The following PCDHGA5 variants were observed in gnomAD, a reference collection of about 807,000 sequenced individuals.
The protein encoded by PCDHGA5 is protocadherin gamma-A5.
Under a neutral mutation model 56.7 loss-of-function variants are expected in PCDHGA5, and 36 were observed. The ratio of observed to expected loss-of-function variants is 0.64; its 90% CI spans 0.49 to 0.84. The LOEUF (loss-of-function observed/expected upper bound fraction) is 0.84. Ranked by LOEUF, PCDHGA5 falls within the 40% of genes least tolerant of loss-of-function variation. PCDHGA5 has a pLI of 0.00. For missense variants in PCDHGA5, 1,305 were observed against 1,201.5 expected, an observed-to-expected ratio of 1.09 and a Z score of -1.27; for synonymous variants, 563 against 520.2, an observed-to-expected ratio of 1.08 and a Z score of -1.12.
At chr5:141,395,901 C>G (rs1019647060) in intron 1 of PCDHGA5, 6 of 152,046 alleles carry the variant, frequency 3.9e-5, no homozygotes, top group African/African-American at 1.4e-4. Flanking sequence ...GCTCCATGCC[C>G]ATGGAGACAT....
rs1224625072 is a variant in PCDHGA5, at chr5:141,490,972, C to T, written c.2422-3835C>T. ...AGACTGGGAACACTCAGCCCCCCAG[C>T]GTCTCCCTCGCTCTGCTCCTCCTGG... On this transcript the variant is annotated intron_variant, in intron 1 of 3. Transcript: ENST00000518069. This position sits in a 1 kb window ranked among gnomAD's most constrained non-coding sequence, Gnocchi z 5.4. The T allele has an allele frequency of 1.2e-5, 20 of 1,613,912 alleles. No individual in the cohort carries two copies. Among genetic ancestry groups the T allele is most frequent in the East Asian group, 4.5e-5 (2 of 44,882 alleles).
chr5:141,460,961 ATG>A (rs35821115), intron 1 of PCDHGA5, among the ~76,000 whole-genome samples: 22,194 of 144,260 alleles, frequency 0.15, 1,877 homozygotes, highest in South Asian at 0.27. Context: ...GTATATATAT[ATG>A]TGTGTGTGTG....
chr5:141,449,066 A>G (rs1234801725), intron 1 of PCDHGA5, among the ~76,000 whole-genome samples: 3 of 152,188 alleles, frequency 2.0e-5, no homozygotes, highest in African/African-American at 4.8e-5. Context: ...GCGCTATTGA[A>G]TAGCCCTGTA....
At chr5:141,372,344 A>G in intron 1 of PCDHGA5, 1 of 1,613,770 alleles carries the variant, frequency 6.2e-7, no homozygotes, top group Non-Finnish European at 8.5e-7. Flanking sequence ...GTGATGGAGG[A>G]CAGCAGCCTC....
chr5:141,497,240 GA>G (rs1221446648), intron 2 of PCDHGA5, among the ~76,000 whole-genome samples: 125 of 152,188 alleles, frequency 8.2e-4, no homozygotes, highest in African/African-American at 3.0e-3. Flanking sequence ...AGGCTTCTAG[GA>G]GGAGGTGACA....
intron 1 of PCDHGA5, among the ~76,000 whole-genome samples, chr5:141,458,513 G>T (rs968604511): frequency 6.8e-6 from 1 of 146,128 alleles, no homozygotes; most frequent in Non-Finnish European, 1.5e-5. Flanking sequence ...TTGACACTTT[G>T]TTTTTTTTTT....
At chr5:141,421,578 T>C in intron 1 of PCDHGA5, 4 of 1,613,886 alleles carry the variant, frequency 2.5e-6, no homozygotes, top group Non-Finnish European at 3.4e-6. Flanking sequence ...CCTTGAAGAT[T>C]TACGGAGTGG....
chr5:141,390,429 T>C lies in PCDHGA5; in HGVS notation c.2421+23678T>C, dbSNP rs2092145009. On this transcript the variant is annotated intron_variant, in intron 1 of 3. Transcript: ENST00000518069. ...GTTGTAGTCAGTTAAAAAGCTGTCA[T>C]ATCATTCTACAAAGGAGGAGTAAAG... The C allele has an allele frequency of 6.0e-6, 6 of 1,008,304 alleles. No homozygotes were observed. The South Asian group carries it at 6.8e-5, about 11-fold the overall frequency. The allele number at this position is 1,008,304 out of a possible 1,614,324, so 62.5% of individuals were successfully genotyped here. A position where few individuals can be genotyped will look rare whatever the true frequency, so the allele number is the denominator to read the frequency against.
chr5:141,390,183 T>G, intron 1 of PCDHGA5: 2 of 1,614,036 alleles, frequency 1.2e-6, no homozygotes, highest in Non-Finnish European at 1.7e-6. Context: ...TTTCCTAAAA[T>G]GTAGTGAGCA....
chr5:141,467,287 A>C (rs2099140956), intron 1 of PCDHGA5, among the ~76,000 whole-genome samples: 1 of 152,082 alleles, frequency 6.6e-6, no homozygotes, highest in Admixed American at 6.6e-5. Flanking sequence ...TCTTGACCTC[A>C]AGTGATCCAC....
In PCDHGA5 at chr5:141,393,378, G is replaced by A. The variant is rs1207426335; in HGVS notation, c.2421+26627G>A. On this transcript the variant is annotated intron_variant, in intron 1 of 3. Coordinates refer to ENST00000518069, the MANE Select transcript of PCDHGA5 (RefSeq NM_018918.3). ...GGACGTGCAGACTGGAGACAATGGA[G>A]CCATAAACCCAGAGCTGGTGCTGGA... The A allele has an allele frequency of 1.9e-6, 3 of 1,613,982 alleles. No individual in the cohort carries two copies. The highest frequency in any genetic ancestry group is 2.2e-5 in the East Asian group (1 of 44,866).
intron 3 of PCDHGA5, chr5:141,507,418 A>T (rs2099860509): frequency 6.6e-6 from 1 of 152,204 alleles, no homozygotes; most frequent in Non-Finnish European, 1.5e-5. Context: ...CTGTGAGGTT[A>T]AGTGGGGCCA....
intron 1 of PCDHGA5, chr5:141,421,492 G>C: frequency 1.7e-5 from 28 of 1,614,106 alleles, no homozygotes; most frequent in Non-Finnish European, 2.3e-5. Flanking sequence ...GATCACGGCA[G>C]GCAGGATAGA....
intron 1 of PCDHGA5, chr5:141,417,977 G>A (rs752463782): frequency 6.2e-7 from 1 of 1,613,872 alleles, no homozygotes; most frequent in Admixed American, 1.7e-5. Flanking sequence ...GATTCCGGAG[G>A]AGCTGGCCAA....
chr5:141,422,400 G>A (rs1207332302), intron 1 of PCDHGA5: 3 of 1,598,664 alleles, frequency 1.9e-6, no homozygotes, highest in South Asian at 2.3e-5. Context: ...CTAACCACCT[G>A]CCTTTTAAAT....
rs1173306822 is a variant in PCDHGA5 at position 141,431,115 on chromosome 5, T to C, written c.2422-63692T>C. The C allele has an allele frequency of 9.3e-6, 15 of 1,613,492 alleles. No individual in the cohort carries two copies. The highest frequency in any genetic ancestry group is 1.3e-5 in the Non-Finnish European group (15 of 1,179,878). On this transcript the variant is annotated intron_variant, in intron 1 of 3. Coordinates refer to ENST00000518069, the MANE Select transcript of PCDHGA5 (RefSeq NM_018918.3). The surrounding 1 kb of genome is among the most constrained non-coding windows in gnomAD (Gnocchi z 4.8). The stretch of plus-strand genomic sequence containing the variant: ...GAGGATAAAGTGAAAATATATGGAG[T>C]AGAAGTAGAAGTAAGGGACATTAAC...
At chr5:141,375,194 G>A (rs763161370) in intron 1 of PCDHGA5, 1 of 1,613,964 alleles carries the variant, frequency 6.2e-7, no homozygotes, top group South Asian at 1.1e-5. Flanking sequence ...CCTTTTTCAA[G>A]TGTTCGATCG....
At chr5:141,418,874 G>A (rs2096295785) in intron 1 of PCDHGA5, 1 of 1,614,024 alleles carries the variant, frequency 6.2e-7, no homozygotes, top group East Asian at 2.2e-5. Context: ...AGAAGTTGTA[G>A]ACGAAAACGA....
At chr5:141,462,800 A>C (rs1039129881) in intron 1 of PCDHGA5, among the ~76,000 whole-genome samples, 2 of 152,128 alleles carry the variant, frequency 1.3e-5, no homozygotes, top group Non-Finnish European at 2.9e-5. Flanking sequence ...TTGCATGTCT[A>C]ATAATGTTTT....
Sources: gnomAD v4.1 joint callset for allele counts (sites outside exome capture counted in the v4.1 genomes callset) on GRCh38, gnomAD v4.1.1 for gene constraint, Gnocchi (gnomAD v3.1) non-coding constraint, MANE v1.5 for transcripts, NCBI Gene and HGNC (gene_info 2026-07-23, HGNC 2026-07-21) for gene names.